Variants in HMBOX1 observed in about 807,000 individuals in gnomAD.
The protein encoded by HMBOX1 is homeobox-containing protein 1.
Under a neutral mutation model 54.5 loss-of-function variants are expected in HMBOX1, and 14 were observed. The ratio of observed to expected loss-of-function variants is 0.26; its 90% CI spans 0.17 to 0.40. The LOEUF is 0.40. Among genes scored for constraint, HMBOX1 ranks in the 10% least tolerant of loss-of-function variants. The probability of loss-of-function intolerance (pLI) is 1.00; values close to 1 mark genes in which losing one functional copy is unlikely to be tolerated. For synonymous variants in HMBOX1, 160 were observed against 181.0 expected (o/e 0.88, Z 0.93); for missense variants, 332 against 514.4 (o/e 0.65, Z 3.43).
At chr8:28,973,976 G>A (rs1380932539) in intron 3 of HMBOX1, among the ~76,000 whole-genome samples, 3 of 151,668 alleles carry the variant, frequency 2.0e-5, no homozygotes, top group African/African-American at 7.3e-5. Flanking sequence ...ACCACCCCCA[G>A]CTAATTTTTG....
At chr8:29,043,147 C>A (rs937162789) in intron 6 of HMBOX1, among the ~76,000 whole-genome samples, 1 of 152,220 alleles carries the variant, frequency 6.6e-6, no homozygotes, top group Non-Finnish European at 1.5e-5. Flanking sequence ...CTGGCCCCAT[C>A]CCACCTTTCC....
intron 1 of HMBOX1, among the ~76,000 whole-genome samples, chr8:28,912,501 G>A (rs1189575916): frequency 2.0e-5 from 3 of 152,102 alleles, no homozygotes; most frequent in East Asian, 3.9e-4. Context: ...CCAGAATCTG[G>A]TGTATACCCT....
At chr8:28,952,158 TAAAAAAAA>T (rs3053470) in intron 1 of HMBOX1, among the ~76,000 whole-genome samples, 4 of 127,810 alleles carry the variant, frequency 3.1e-5, no homozygotes, top group Non-Finnish European at 6.5e-5. Context: ...GACCCTATCT[TAAAAAAAA>T]AAAAAAAAAG....
intron 6 of HMBOX1, among the ~76,000 whole-genome samples, chr8:29,032,516 A>C (rs1005258529): frequency 2.0e-5 from 3 of 152,194 alleles, no homozygotes; most frequent in South Asian, 2.1e-4. Context: ...CATTGTTAAC[A>C]AAAATTATAA....
chr8:28,996,328 G>A (rs766657718), intron 4 of HMBOX1, among the ~76,000 whole-genome samples: 33 of 152,044 alleles, frequency 2.2e-4, no homozygotes, highest in Non-Finnish European at 4.7e-4. Context: ...CTGTGTATAC[G>A]TGAACTTATA....
chr8:29,043,904 A>C (rs1326520275), intron 6 of HMBOX1, among the ~76,000 whole-genome samples: 2 of 152,156 alleles, frequency 1.3e-5, no homozygotes, highest in Non-Finnish European at 2.9e-5. Flanking sequence ...GATAGGAGAA[A>C]ATCATGCAGG....
At chr8:29,003,747 C>T (rs1317557929) in intron 4 of HMBOX1, among the ~76,000 whole-genome samples, 1 of 151,500 alleles carries the variant, frequency 6.6e-6, no homozygotes, top group East Asian at 1.9e-4. Context: ...CATATATGTG[C>T]TTTAACTTAA....
chr8:28,909,551 T>C (rs1311122664), intron 1 of HMBOX1, among the ~76,000 whole-genome samples: 2 of 152,168 alleles, frequency 1.3e-5, no homozygotes, highest in Non-Finnish European at 2.9e-5. Context: ...AGAAGAACTG[T>C]CCTAGAATAT....
chr8:29,036,542 T>A (rs1803907813), intron 6 of HMBOX1, among the ~76,000 whole-genome samples: 1 of 152,228 alleles, frequency 6.6e-6, no homozygotes, highest in Non-Finnish European at 1.5e-5. Flanking sequence ...TTAGATTTCC[T>A]TTCCCAAAGA....
At position 28,909,803 on chromosome 8, in the gene HMBOX1, A is replaced by G. The variant is rs578179278; in HGVS notation, c.-58+19125A>G. On this transcript the variant is annotated intron_variant, in intron 1 of 9. Coordinates refer to ENST00000287701, the MANE Select transcript of HMBOX1 (RefSeq NM_001135726.3). ...TTAAGTGTACTGCTCAATGACTTCT[A>G]GTGAATTTTCCAACTTGTGCAAAAC... Among the ~76,000 whole-genome samples the G allele has an allele frequency of 1.1e-4, 16 of 152,306 alleles. 1 individual carries two copies. In the South Asian group the frequency reaches 3.3e-3, roughly 32 times the overall value.
chr8:28,915,846 A>C (rs993126887), intron 1 of HMBOX1: 9 of 152,052 alleles, frequency 5.9e-5, no homozygotes, highest in Non-Finnish European at 1.3e-4. Context: ...AACTATAGAC[A>C]TGTGACACTG....
chr8:28,998,071 A>G (rs1235922023), intron 4 of HMBOX1, among the ~76,000 whole-genome samples: 2 of 152,196 alleles, frequency 1.3e-5, no homozygotes, highest in African/African-American at 4.8e-5. Context: ...TTGACTATGA[A>G]TTCAATATCT....
chr8:28,909,168 A>G (rs1000091119), intron 1 of HMBOX1, among the ~76,000 whole-genome samples: 7 of 151,942 alleles, frequency 4.6e-5, no homozygotes, highest in African/African-American at 1.7e-4. Context: ...ATGTTTATGT[A>G]TTTTTTAAAG....
chr8:29,039,792 A>T (rs1158402505), intron 6 of HMBOX1, among the ~76,000 whole-genome samples: 1 of 152,158 alleles, frequency 6.6e-6, no homozygotes, highest in Non-Finnish European at 1.5e-5. Context: ...ATATGTACAT[A>T]ATGTAGTGTG....
chr8:29,044,155 G>A (rs1164922662), intron 6 of HMBOX1, among the ~76,000 whole-genome samples: 1 of 152,124 alleles, frequency 6.6e-6, no homozygotes, highest in African/African-American at 2.4e-5. Context: ...GGGTTTGCAG[G>A]TGATCCTCAG....
In HMBOX1 at chr8:28,970,628, C is replaced by T. The variant is rs926391035; in HGVS notation, c.500+109C>T. 1.5e-6 allele frequency: 1 copy of T among 676,098 alleles called. No individual in the cohort carries two copies. The highest frequency in any genetic ancestry group is 1.8e-5 in the African/African-American group (1 of 56,062). The allele number at this position is 676,098 out of a possible 1,614,324, so 41.9% of individuals were successfully genotyped here. ...TTAGCTATAAGAACTGTAACTTCCTCTAGCTATAAGAACTGTAACTTCCTC... is the reference window on the plus strand; with the variant it reads ...TTAGCTATAAGAACTGTAACTTCCTTTAGCTATAAGAACTGTAACTTCCTC... On this transcript the variant is annotated intron_variant, in intron 3 of 9. Coordinates refer to ENST00000287701, the MANE Select transcript of HMBOX1 (RefSeq NM_001135726.3). The surrounding 1 kb of genome is among the most constrained non-coding windows in gnomAD (Gnocchi z 4.3).
At chr8:29,035,372 A>G (rs1803691769) in intron 6 of HMBOX1, among the ~76,000 whole-genome samples, 2 of 152,182 alleles carry the variant, frequency 1.3e-5, no homozygotes, top group South Asian at 2.1e-4. Context: ...AAAAAAAAGA[A>G]TAGTCTCCCT....
chr8:29,018,672 C>G, intron 5 of HMBOX1, 88 bp from the exon 6 acceptor site: 1 of 1,325,730 alleles, frequency 7.5e-7, no homozygotes, highest in Non-Finnish European at 1.0e-6. Flanking sequence ...AGCCAAAGAC[C>G]ATACTTCCCT....
chr8:29,047,216 A>G, intron 7 of HMBOX1, 142 bp from the exon 8 acceptor site: 4 of 619,536 alleles, frequency 6.5e-6, no homozygotes, highest in Non-Finnish European at 1.2e-5. Flanking sequence ...GTACCAGGTA[A>G]TACTTTAAAA....
Sources: gnomAD v4.1 joint callset for allele counts (sites outside exome capture counted in the v4.1 genomes callset) on GRCh38, gnomAD v4.1.1 for gene constraint, Gnocchi (gnomAD v3.1) non-coding constraint, MANE v1.5 for transcripts, NCBI Gene and HGNC (gene_info 2026-07-23, HGNC 2026-07-21) for gene names.